RASA3: variants seen among roughly 807,000 people sequenced by gnomAD.
RASA3 encodes RAS p21 protein activator 3.
In RASA3, 73 loss-of-function variants were observed where a neutral mutation model predicts 110.0. The ratio of observed to expected loss-of-function variants is 0.66; its 90% CI spans 0.55 to 0.81. The LOEUF is 0.81. Ranked by LOEUF, RASA3 falls within the 30% of genes least tolerant of loss-of-function variation. The pLI is 0.00. For synonymous variants in RASA3, 500 were observed against 451.4 expected (o/e 1.11, Z -1.37); for missense variants, 976 against 1,113.2 (o/e 0.88, Z 1.75).
chr13:114,108,168 C>T (rs1212643022), intron 1 of RASA3, among the ~76,000 whole-genome samples: 9 of 152,014 alleles, frequency 5.9e-5, no homozygotes, highest in East Asian at 1.9e-4. Flanking sequence ...CATCATCCTC[C>T]GTCATCCCCT....
chr13:114,043,243 G>A (rs1243399753), intron 3 of RASA3, among the ~76,000 whole-genome samples: 1 of 152,186 alleles, frequency 6.6e-6, no homozygotes, highest in South Asian at 2.1e-4. Context: ...ATGGTGGGAG[G>A]TGCGGAAGGT....
intron 19 of RASA3, 112 bp downstream of exon 19, chr13:114,000,714 G>T (rs2053374287): frequency 2.4e-6 from 2 of 830,494 alleles, no homozygotes; most frequent in East Asian, 2.5e-5. Flanking sequence ...CCCGGGCTCT[G>T]CCCGCAGCAC....
rs1255650015 is a variant in RASA3 at position 114,021,526 on chromosome 13, G to C, written c.681-18C>G. 6.2e-7 allele frequency: 1 copy of C among 1,608,066 alleles called. No individual in the cohort carries two copies. The highest frequency in any genetic ancestry group is 1.1e-5 in the South Asian group (1 of 90,964). Reference sequence around the variant, plus strand: ...GGTCAACTCTGAAAAACAGCATCAGGACAGCTCTAGCTGACGGCGGGCAGC... The same window carrying C: ...GGTCAACTCTGAAAAACAGCATCAGCACAGCTCTAGCTGACGGCGGGCAGC... On this transcript the variant is annotated intron_variant, in intron 8 of 23. Transcript: ENST00000334062.
rs759467295 is a variant in RASA3 at position 114,015,282 on chromosome 13, A to C, written c.1332T>G (p.Ser444=). Residue 444 remains serine, a synonymous_variant, in exon 14 of 24, where the codon TCT becomes TCG. Coordinates refer to ENST00000334062, the MANE Select transcript of RASA3 (RefSeq NM_007368.4). ...ACATGACGGTCGGGCAGCTCACCCC[A>C]GACTCAGTGATGGCGTGGAAGACGC... ...VDRVFHAITE[S]GVSCPTVMCD... The C allele has an allele frequency of 6.2e-7, 1 of 1,613,200 alleles. No individual in the cohort carries two copies.
At chr13:114,126,628 A>G (rs1199391500) in intron 1 of RASA3, among the ~76,000 whole-genome samples, 2 of 152,188 alleles carry the variant, frequency 1.3e-5, no homozygotes, top group Non-Finnish European at 2.9e-5. Context: ...CTACTTATTA[A>G]AGTGTAGCTC....
rs184562519 is a variant in RASA3, at chr13:114,035,130, C to T, written c.373-5243G>A. Among the ~76,000 whole-genome samples, 343 of 152,250 alleles carry T rather than the reference C, an allele frequency of 2.3e-3. 2 individuals are homozygous for T. Among genetic ancestry groups the T allele is most frequent in the South Asian group, 0.013 (61 of 4,826 alleles). The stretch of plus-strand genomic sequence containing the variant: ...AAAAATGAGTAAACTAAACCCAGAG[C>T]CCAAGAACAGAAAACAGAAGTCAGA... On this transcript the variant is annotated intron_variant, in intron 4 of 23. Transcript: ENST00000334062.
At chr13:114,069,157 G>T (rs1031049701) in intron 2 of RASA3, among the ~76,000 whole-genome samples, 3 of 152,040 alleles carry the variant, frequency 2.0e-5, no homozygotes, top group African/African-American at 7.2e-5. Context: ...GCTGAGTTCC[G>T]CCTTTCCTTC....
intron 12 of RASA3, 123 bp from the exon 13 acceptor site, chr13:114,016,394 C>G: frequency 1.4e-6 from 1 of 738,016 alleles, no homozygotes; most frequent in South Asian, 1.4e-5. Flanking sequence ...AATGCCACGA[C>G]AGCTCCCCGA....
At position 114,057,246 on chromosome 13, in the gene RASA3, G is replaced by C. The variant is rs2079260507; in HGVS notation, c.174-5091C>G. 1.0e-6 allele frequency: 1 copy of C among 985,162 alleles called. No homozygotes were observed. The highest frequency in any genetic ancestry group is 4.7e-5 in the South Asian group (1 of 21,284). 61.0% of individuals were successfully genotyped at this position (985,162 alleles called of 1,614,324 possible). A position where few individuals can be genotyped will look rare whatever the true frequency, so the allele number is the denominator to read the frequency against. The stretch of plus-strand genomic sequence containing the variant: ...GTTATTACTAACTTTGTTTCCTGCG[G>C]GTCACCTCAAGTCTTTCAGGAAACC... On this transcript the variant is annotated intron_variant, in intron 2 of 23. Transcript: ENST00000334062. This position sits in a 1 kb window ranked among gnomAD's most constrained non-coding sequence, Gnocchi z 5.0.
chr13:113,997,257 G>A (rs933213150), intron 20 of RASA3, among the ~76,000 whole-genome samples: 1 of 152,172 alleles, frequency 6.6e-6, no homozygotes, highest in Non-Finnish European at 1.5e-5. Context: ...GAAGCGTCTC[G>A]GGGCAGCAAC....
chr13:114,090,588 G>A (rs1054675479), intron 1 of RASA3, among the ~76,000 whole-genome samples: 5 of 152,202 alleles, frequency 3.3e-5, no homozygotes, highest in East Asian at 3.9e-4. Flanking sequence ...TCATCACAGC[G>A]TGAGTCTGGG....
Position 114,073,796 on chromosome 13 carries a change from T to C in RASA3, c.97A>G (p.Met33Val), listed in dbSNP as rs1354886484. The C allele has an allele frequency of 1.2e-6, 2 of 1,614,208 alleles. No individual in the cohort carries two copies. Among genetic ancestry groups the C allele is most frequent in the Non-Finnish European group, 1.7e-6 (2 of 1,180,030 alleles). The change falls in exon 2 of 24, where the codon ATG (methionine) becomes GTG (valine). Residue 33 changes from methionine (M) to valine (V), a missense_variant. Met to Val is a conservative substitution (Grantham distance 21). Coordinates refer to ENST00000334062, the MANE Select transcript of RASA3 (RefSeq NM_007368.4). ...NLPSYPGPSKMRDCYCTVNLD... is the reference protein window; with the variant it reads ...NLPSYPGPSKVRDCYCTVNLD... ...TTCACCGTGCAGTAGCAATCCCTCA[T>C]CTTGCTCGGCCCCGGGTAAGAGGGA...
intron 4 of RASA3, among the ~76,000 whole-genome samples, chr13:114,033,813 C>A (rs1351705808): frequency 6.6e-6 from 1 of 152,250 alleles, no homozygotes; most frequent in Non-Finnish European, 1.5e-5. Context: ...GTGTGGCCTT[C>A]CCGCCCTGTG....
At chr13:114,099,183 G>A (rs921813885) in intron 1 of RASA3, among the ~76,000 whole-genome samples, 4 of 149,734 alleles carry the variant, frequency 2.7e-5, no homozygotes, top group African/African-American at 7.4e-5. Flanking sequence ...GTCGGGGCCC[G>A]GCCACCCGAG....
chr13:114,126,774 A>AT (rs2080456356), intron 1 of RASA3, among the ~76,000 whole-genome samples: 1 of 152,260 alleles, frequency 6.6e-6, no homozygotes, highest in South Asian at 2.1e-4. Flanking sequence ...TCTAAGTCCC[A>AT]TTAATCTCTG....
At chr13:114,101,292 T>A (rs766656101) in intron 1 of RASA3, among the ~76,000 whole-genome samples, 1 of 152,160 alleles carries the variant, frequency 6.6e-6, no homozygotes, top group Non-Finnish European at 1.5e-5. Context: ...GGCCATGTGC[T>A]AGGAAGGGGT....
chr13:114,132,203 G>A (rs546428030), intron 1 of RASA3, among the ~76,000 whole-genome samples: 21 of 152,308 alleles, frequency 1.4e-4, no homozygotes, highest in African/African-American at 4.6e-4. Flanking sequence ...GCGCAGAGGA[G>A]GCGCAGGGAG....
intron 2 of RASA3, among the ~76,000 whole-genome samples, chr13:114,070,999 G>T (rs914567897): frequency 2.1e-5 from 3 of 140,078 alleles, no homozygotes; most frequent in East Asian, 2.2e-4. Flanking sequence ...GCTAAACGGC[G>T]CCACAGTGTT....
intron 1 of RASA3, among the ~76,000 whole-genome samples, chr13:114,074,083 AT>A (rs2079626769): frequency 6.6e-6 from 1 of 152,182 alleles, no homozygotes; most frequent in African/African-American, 2.4e-5. Context: ...GGGACTCAGG[AT>A]TGCTGTGTCT....
Sources: allele counts gnomAD v4.1 joint callset (sites outside exome capture counted in the v4.1 genomes callset), GRCh38; gene constraint gnomAD v4.1.1; non-coding constraint Gnocchi (gnomAD v3.1); transcripts MANE v1.5; gene names NCBI Gene and HGNC (gene_info 2026-07-23, HGNC 2026-07-21).